The following DLG2 variants were observed in gnomAD, a reference collection of about 807,000 sequenced individuals.
DLG2 encodes the protein disks large homolog 2.
In DLG2, 45 loss-of-function variants were observed where a neutral mutation model predicts 132.5. The observed-to-expected ratio is 0.34, with a 90% CI of 0.27 to 0.44. The LOEUF (loss-of-function observed/expected upper bound fraction) is 0.44. DLG2 is among the 20% of genes least tolerant of loss of function. The pLI, the probability that DLG2 is intolerant of heterozygous loss-of-function variation, is 1.00. For synonymous variants in DLG2, 424 were observed against 419.6 expected, an observed-to-expected ratio of 1.01 and a Z score of -0.13; for missense variants, 1,045 against 1,196.9, an observed-to-expected ratio of 0.87 and a Z score of 1.87.
At chr11:84,858,322 T>G (rs903287577) in intron 6 of DLG2, among the ~76,000 whole-genome samples, 2 of 151,724 alleles carry the variant, frequency 1.3e-5, no homozygotes, top group African/African-American at 4.8e-5. Context: ...AAGTCTGATT[T>G]TAAAAAAAAA....
intron 10 of DLG2, among the ~76,000 whole-genome samples, chr11:84,083,294 A>G (rs1411340909): frequency 6.6e-6 from 1 of 152,196 alleles, no homozygotes; most frequent in Non-Finnish European, 1.5e-5. Flanking sequence ...AATAAAAAAG[A>G]AAGAAAATAA....
At chr11:84,120,195 A>G (rs998724009) in intron 9 of DLG2, among the ~76,000 whole-genome samples, 6 of 152,094 alleles carry the variant, frequency 3.9e-5, no homozygotes, top group Non-Finnish European at 4.4e-5. Context: ...TCCCCCATTT[A>G]TCAACTATAA....
intron 3 of DLG2, among the ~76,000 whole-genome samples, chr11:85,373,630 T>C (rs1488155888): frequency 6.6e-6 from 1 of 152,160 alleles, no homozygotes; most frequent in Non-Finnish European, 1.5e-5. Flanking sequence ...TCTTCCTGTG[T>C]GGAACCTGCA....
chr11:85,321,045 A>G (rs558689827), intron 3 of DLG2, among the ~76,000 whole-genome samples: 45 of 152,032 alleles, frequency 3.0e-4, no homozygotes, highest in African/African-American at 1.0e-3. Context: ...TAATCTCTCC[A>G]GCTACTGTTT....
chr11:83,513,278 G>T (rs552543171), intron 21 of DLG2, among the ~76,000 whole-genome samples: 1 of 151,736 alleles, frequency 6.6e-6, no homozygotes, highest in South Asian at 2.1e-4. Context: ...CTGATGGCCA[G>T]TGATGATGAG....
intron 3 of DLG2, among the ~76,000 whole-genome samples, chr11:85,372,582 C>G (rs1338376184): frequency 6.6e-6 from 1 of 152,208 alleles, no homozygotes. Flanking sequence ...CCAATTAAGG[C>G]AACCCCAAGC....
At chr11:84,606,898 A>T (rs1450626693) in intron 6 of DLG2, among the ~76,000 whole-genome samples, 1 of 152,022 alleles carries the variant, frequency 6.6e-6, no homozygotes, top group Non-Finnish European at 1.5e-5. Context: ...TCTTCCCTGG[A>T]CCCTCGCATG....
intron 3 of DLG2, among the ~76,000 whole-genome samples, chr11:85,440,040 G>C (rs897115380): frequency 6.6e-6 from 1 of 152,064 alleles, no homozygotes; most frequent in Non-Finnish European, 1.5e-5. Context: ...GGCTTAGGTA[G>C]GTTACTTATC....
At chr11:85,052,607 T>G (rs904293248) in intron 6 of DLG2, among the ~76,000 whole-genome samples, 1 of 152,218 alleles carries the variant, frequency 6.6e-6, no homozygotes, top group Non-Finnish European at 1.5e-5. Flanking sequence ...GATTTGGCAA[T>G]GTAATGACTG....
intron 18 of DLG2, among the ~76,000 whole-genome samples, chr11:83,784,546 T>C (rs1005442317): frequency 9.2e-5 from 14 of 152,250 alleles, no homozygotes; most frequent in African/African-American, 2.9e-4. Flanking sequence ...TATCTGCAGG[T>C]TTCTTTACAA....
intron 7 of DLG2, among the ~76,000 whole-genome samples, chr11:84,513,599 C>T (rs1182735737): frequency 1.3e-5 from 2 of 151,822 alleles, no homozygotes; most frequent in African/African-American, 4.8e-5. Flanking sequence ...AGGATTTCTT[C>T]AATAAAGGTG....
At chr11:84,710,923 T>C (rs547897475) in intron 6 of DLG2, among the ~76,000 whole-genome samples, 2 of 150,588 alleles carry the variant, frequency 1.3e-5, no homozygotes, top group East Asian at 2.0e-4. Flanking sequence ...TTTAAATTTA[T>C]ATGGAAAAAA....
chr11:85,589,942 G>A (rs1352478557), intron 3 of DLG2, among the ~76,000 whole-genome samples: 2 of 152,052 alleles, frequency 1.3e-5, no homozygotes, highest in East Asian at 1.9e-4. Flanking sequence ...CTTTTGCGTA[G>A]TATCTAAACA....
intron 6 of DLG2, among the ~76,000 whole-genome samples, chr11:85,020,321 T>G (rs1000779847): frequency 3.9e-4 from 60 of 152,212 alleles, no homozygotes; most frequent in Non-Finnish European, 8.1e-4. Flanking sequence ...GTTGATTTTT[T>G]CTTGTAAATT....
At chr11:85,101,302 C>T (rs1466086632) in intron 6 of DLG2, among the ~76,000 whole-genome samples, 1 of 151,992 alleles carries the variant, frequency 6.6e-6, no homozygotes, top group East Asian at 1.9e-4. Flanking sequence ...TCTGAAAAGT[C>T]TCTACAAGGC....
chr11:83,842,450 TG>T (rs1198983395), intron 16 of DLG2, among the ~76,000 whole-genome samples: 1 of 136,768 alleles, frequency 7.3e-6, no homozygotes, highest in Non-Finnish European at 1.5e-5. Context: ...AAAAATTAGC[TG>T]GGTGTGGTAG....
At chr11:84,713,905 T>A (rs1218903616) in intron 6 of DLG2, among the ~76,000 whole-genome samples, 1 of 152,070 alleles carries the variant, frequency 6.6e-6, no homozygotes, top group Admixed American at 6.6e-5. Flanking sequence ...AAAAGGATGG[T>A]TAACTGTTAT....
intron 14 of DLG2, among the ~76,000 whole-genome samples, chr11:83,954,641 T>A (rs1044457953): frequency 1.3e-5 from 2 of 152,224 alleles, no homozygotes; most frequent in African/African-American, 4.8e-5. Context: ...AGGAGTCTGA[T>A]GTCATGTTTT....
intron 3 of DLG2, among the ~76,000 whole-genome samples, chr11:85,584,920 G>C (rs1251739481): frequency 2.0e-5 from 3 of 152,184 alleles, no homozygotes; most frequent in Non-Finnish European, 4.4e-5. Flanking sequence ...CGAATGTATA[G>C]ACTGCAAAGA....
Sources: allele counts gnomAD v4.1 joint callset (sites outside exome capture counted in the v4.1 genomes callset), GRCh38; gene constraint gnomAD v4.1.1; transcripts MANE v1.5; gene names NCBI Gene and HGNC (gene_info 2026-07-23, HGNC 2026-07-21).